The following RXRA variants were observed in gnomAD, a reference collection of about 807,000 sequenced individuals.
The protein encoded by RXRA is retinoid X receptor alpha.
Under a neutral mutation model 44.5 loss-of-function variants are expected in RXRA, and 5 were observed. The observed-to-expected ratio is 0.11, with a 90% CI of 0.06 to 0.24. The LOEUF (loss-of-function observed/expected upper bound fraction) is 0.24, where lower values mean the gene tolerates loss of function less well. Among genes scored for constraint, RXRA ranks in the 10% least tolerant of loss-of-function variants. The pLI is 1.00. For missense variants in RXRA, 412 were observed against 646.5 expected (o/e 0.64, Z 3.93); for synonymous variants, 291 against 271.4 (o/e 1.07, Z -0.71).
intron 4 of RXRA, among the ~76,000 whole-genome samples, chr9:134,410,632 A>C (rs902893514): frequency 6.6e-6 from 1 of 152,194 alleles, no homozygotes; most frequent in Admixed American, 6.5e-5. Flanking sequence ...CATAGTAGGC[A>C]GTGGCCGGGG....
At chr9:134,412,302 T>G (rs1831162447) in intron 4 of RXRA, among the ~76,000 whole-genome samples, 1 of 152,232 alleles carries the variant, frequency 6.6e-6, no homozygotes, top group Admixed American at 6.5e-5. Context: ...CCCACTGGCC[T>G]TGGTGTCAAG....
At chr9:134,400,815 T>C (rs982947109) in intron 1 of RXRA, among the ~76,000 whole-genome samples, 1 of 152,162 alleles carries the variant, frequency 6.6e-6, no homozygotes, top group African/African-American at 2.4e-5. Context: ...CACCAAGGCC[T>C]TGCACAAAGC....
intron 1 of RXRA, among the ~76,000 whole-genome samples, chr9:134,338,783 G>A (rs1588249894): frequency 6.6e-6 from 1 of 152,222 alleles, no homozygotes; most frequent in African/African-American, 2.4e-5. Context: ...GCCCAGCCTT[G>A]CGGGTGAGAC....
intron 4 of RXRA, among the ~76,000 whole-genome samples, chr9:134,411,422 AC>A (rs1002178638): frequency 3.3e-5 from 5 of 152,022 alleles, no homozygotes; most frequent in South Asian, 4.2e-4. Context: ...CACCCTGGAC[AC>A]CCCCTTCCTG....
intron 1 of RXRA, among the ~76,000 whole-genome samples, chr9:134,329,278 G>A (rs1424327630): frequency 6.6e-6 from 1 of 152,370 alleles, no homozygotes; most frequent in African/African-American, 2.4e-5. Context: ...GGGGCCTCCC[G>A]AAATAACAGG....
intron 1 of RXRA, among the ~76,000 whole-genome samples, chr9:134,338,896 C>T (rs1315097104): frequency 1.3e-5 from 2 of 152,234 alleles, no homozygotes; most frequent in African/African-American, 4.8e-5. Flanking sequence ...CCGTTCTGCC[C>T]TCCCTGCTGA....
Position 134,408,317 on chromosome 9 carries a change from G to T in RXRA, c.430+18G>T, listed in dbSNP as rs373000410. 3 of 1,588,168 alleles carry T rather than the reference G, an allele frequency of 1.9e-6. No homozygotes were observed. Among genetic ancestry groups the T allele is most frequent in the South Asian group, 2.3e-5 (2 of 87,614 alleles). Reference sequence around the variant, plus strand: ...CTCCTCAGGTACCGCTGCTGTGGGGGCCAGGGGCTGGTGGGACAGGGTTGT... The same window carrying T: ...CTCCTCAGGTACCGCTGCTGTGGGGTCCAGGGGCTGGTGGGACAGGGTTGT... On this transcript the variant is annotated intron_variant, in intron 3 of 9. Coordinates refer to ENST00000481739, the MANE Select transcript of RXRA (RefSeq NM_002957.6).
chr9:134,375,426 G>A (rs1017054063), intron 1 of RXRA, among the ~76,000 whole-genome samples: 6 of 152,152 alleles, frequency 3.9e-5, no homozygotes, highest in African/African-American at 9.7e-5. Context: ...GAGGGCAGCC[G>A]AGGGCTCCCG....
intron 1 of RXRA, among the ~76,000 whole-genome samples, chr9:134,399,501 C>G (rs1830928496): frequency 6.6e-6 from 1 of 152,202 alleles, no homozygotes; most frequent in African/African-American, 2.4e-5. Flanking sequence ...CCTAGCTGTT[C>G]TCTCCCTGGC....
chr9:134,348,961 G>T (rs142977347), intron 1 of RXRA, among the ~76,000 whole-genome samples: 1 of 152,212 alleles, frequency 6.6e-6, no homozygotes, highest in South Asian at 2.1e-4. Context: ...CAACCGTGGC[G>T]TTGCGCCAGC....
At position 134,422,835 on chromosome 9, in the gene RXRA, G is replaced by A. The variant is rs181425654; in HGVS notation, c.910+1030G>A. ...TAATGGGCTGTCGGTGGAGGTTTGGGGGCTCTGGAGAGGGAGGCTGGCTGT... is the reference window on the plus strand; with the variant it reads ...TAATGGGCTGTCGGTGGAGGTTTGGAGGCTCTGGAGAGGGAGGCTGGCTGT... On this transcript the variant is annotated intron_variant, in intron 6 of 9. Coordinates refer to ENST00000481739, the MANE Select transcript of RXRA (RefSeq NM_002957.6). 1.6e-3 allele frequency: 1,587 copies of A among 985,450 alleles called. 3 individuals carry two copies. The highest frequency in any genetic ancestry group is 2.4e-3 in the Admixed American group (39 of 16,292). 61.0% of individuals were successfully genotyped at this position (985,450 alleles called of 1,614,324 possible).
intron 1 of RXRA, among the ~76,000 whole-genome samples, chr9:134,377,968 G>T (rs1830583612): frequency 6.6e-6 from 1 of 152,240 alleles, no homozygotes; most frequent in Non-Finnish European, 1.5e-5. Flanking sequence ...CCGAGCTGGG[G>T]CAGGTTATGT....
rs1831539945 is a variant in RXRA, at chr9:134,431,997, G to T, written c.1135+1G>T. On this transcript the variant is annotated splice_donor_variant, in intron 8 of 9. Transcript: ENST00000481739. LOFTEE classifies it high-confidence loss of function. ...CGCGCCATCGTCCTCTTTAACCCTG[G>T]TATGGCCTTCCTGCCTTGAGGCTTC... 1 of 1,611,812 alleles carries T rather than the reference G, an allele frequency of 6.2e-7. No individual in the cohort carries two copies. Among genetic ancestry groups the T allele is most frequent in the Admixed American group, 1.7e-5 (1 of 59,972 alleles).
At chr9:134,333,021 C>T (rs575184754) in intron 1 of RXRA, among the ~76,000 whole-genome samples, 21 of 152,254 alleles carry the variant, frequency 1.4e-4, no homozygotes, top group African/African-American at 3.1e-4. Flanking sequence ...TGGCTCCGGC[C>T]CCCCCTGCAC....
At chr9:134,434,637 G>T (rs1320737601) in intron 9 of RXRA, among the ~76,000 whole-genome samples, 1 of 152,242 alleles carries the variant, frequency 6.6e-6, no homozygotes, top group Non-Finnish European at 1.5e-5. Context: ...GGAATAGGCG[G>T]TCACGGCCTG....
intron 1 of RXRA, among the ~76,000 whole-genome samples, chr9:134,344,832 G>A (rs1021690888): frequency 6.6e-6 from 1 of 152,220 alleles, no homozygotes; most frequent in Admixed American, 6.5e-5. Context: ...TTCCCTCGAC[G>A]CTCTATGGGC....
Position 134,429,181 on chromosome 9 carries a change from C to T in RXRA, c.984C>T (p.Thr328=), listed in dbSNP as rs760095751. ...IAVKDGILLA[T]GLHVHRNSAH... ...TGAAGGACGGGATCCTCCTGGCCAC[C>T]GGGCTGCACGTCCACCGGAACAGCG... is the stretch of plus-strand genomic sequence containing the variant. The change falls in exon 7 of 10, where the codon ACC becomes ACT. Residue 328 remains threonine, a synonymous_variant. Transcript: ENST00000481739. 2.0e-5 allele frequency: 32 copies of T among 1,612,922 alleles called. No homozygotes were observed. The highest frequency in any genetic ancestry group is 1.6e-4 in the Middle Eastern group (1 of 6,080).
chr9:134,373,554 A>G (rs373257259), intron 1 of RXRA, among the ~76,000 whole-genome samples: 12 of 152,124 alleles, frequency 7.9e-5, no homozygotes, highest in African/African-American at 2.4e-4. Context: ...CTTCCTGTCT[A>G]TCACCCTCCC....
intron 6 of RXRA, chr9:134,422,463 C>T: frequency 8.0e-7 from 1 of 1,257,524 alleles, no homozygotes; most frequent in Non-Finnish European, 1.0e-6. Flanking sequence ...ACTCCCGGGA[C>T]ACACTCCCTG....
Sources: gnomAD v4.1 joint callset for allele counts (sites outside exome capture counted in the v4.1 genomes callset) on GRCh38, gnomAD v4.1.1 for gene constraint, MANE v1.5 for transcripts, NCBI Gene and HGNC (gene_info 2026-07-23, HGNC 2026-07-21) for gene names.